Variants in STPG2 observed in about 807,000 individuals in gnomAD.
STPG2 encodes sperm-tail PG-rich repeat-containing protein 2.
Under a neutral mutation model 54.2 loss-of-function variants are expected in STPG2, and 56 were observed. The observed-to-expected ratio is 1.03, with a 90% CI of 0.83 to 1.29. The LOEUF (loss-of-function observed/expected upper bound fraction) is 1.29. Among genes scored for constraint, STPG2 ranks in the 50% most tolerant of loss-of-function variants. The pLI is 0.00. For missense variants in STPG2, 596 were observed against 544.9 expected, an observed-to-expected ratio of 1.09 and a Z score of -0.93; for synonymous variants, 200 against 181.8, an observed-to-expected ratio of 1.10 and a Z score of -0.81.
At chr4:98,129,654 A>G (rs999175527) in intron 2 of STPG2, among the ~76,000 whole-genome samples, 1 of 152,168 alleles carries the variant, frequency 6.6e-6, no homozygotes, top group African/African-American at 2.4e-5. Flanking sequence ...AAAAACATGA[A>G]GGTGTAATAT....
At chr4:98,001,565 T>C (rs1472586645) in intron 5 of STPG2, among the ~76,000 whole-genome samples, 2 of 152,012 alleles carry the variant, frequency 1.3e-5, no homozygotes, top group South Asian at 2.1e-4. Context: ...AATGAAATAA[T>C]GTTAAGGGTT....
chr4:97,888,269 C>G (rs1459856566), intron 8 of STPG2, among the ~76,000 whole-genome samples: 1 of 152,216 alleles, frequency 6.6e-6, no homozygotes, highest in Admixed American at 6.5e-5. Context: ...GGTAGATCCA[C>G]CGACAGCTTG....
At chr4:97,983,073 G>A (rs1370488319) in intron 5 of STPG2, among the ~76,000 whole-genome samples, 1 of 152,040 alleles carries the variant, frequency 6.6e-6, no homozygotes, top group African/African-American at 2.4e-5. Flanking sequence ...TGAACAATGT[G>A]GTTCCACTTA....
intron 9 of STPG2, among the ~76,000 whole-genome samples, chr4:97,772,790 T>A (rs1364007316): frequency 6.6e-6 from 1 of 152,092 alleles, no homozygotes; most frequent in African/African-American, 2.4e-5. Flanking sequence ...CAAAAGTAAA[T>A]TAATCTATTT....
intron 9 of STPG2, among the ~76,000 whole-genome samples, chr4:97,746,337 T>C (rs575513582): frequency 2.0e-5 from 3 of 151,414 alleles, no homozygotes; most frequent in Non-Finnish European, 4.5e-5. Flanking sequence ...CCATGAATTT[T>C]AAAGCTAAAA....
chr4:97,562,882 A>C (rs1578390268), intron 10 of STPG2, among the ~76,000 whole-genome samples: 1 of 152,254 alleles, frequency 6.6e-6, no homozygotes, highest in South Asian at 2.1e-4. Context: ...ATGTTCATCA[A>C]GGATATTGGT....
chr4:97,461,564 T>C (rs756407210), intron 4 of STPG2, among the ~76,000 whole-genome samples: 2 of 152,154 alleles, frequency 1.3e-5, no homozygotes, highest in Non-Finnish European at 2.9e-5. Context: ...AACCCAACCA[T>C]GCTCGCATGG....
chr4:97,619,538 T>TC (rs879451207), intron 10 of STPG2, among the ~76,000 whole-genome samples: 2 of 149,836 alleles, frequency 1.3e-5, no homozygotes, highest in Non-Finnish European at 2.9e-5. Flanking sequence ...TTTTTTTTTT[T>TC]CTCACCTCTG....
At chr4:97,598,566 A>AAG in intron 10 of STPG2, among the ~76,000 whole-genome samples, 1 of 151,996 alleles carries the variant, frequency 6.6e-6, no homozygotes, top group East Asian at 1.9e-4. Flanking sequence ...AAAAAAAAAA[A>AAG]AAACAGACAT....
At chr4:98,021,761 C>T (rs1225296421) in intron 5 of STPG2, among the ~76,000 whole-genome samples, 1 of 151,830 alleles carries the variant, frequency 6.6e-6, no homozygotes, top group Non-Finnish European at 1.5e-5. Context: ...GATCCCTTTA[C>T]CATTATGTAA....
At chr4:98,012,603 G>C (rs892896591) in intron 5 of STPG2, among the ~76,000 whole-genome samples, 2 of 152,114 alleles carry the variant, frequency 1.3e-5, no homozygotes, top group South Asian at 2.1e-4. Context: ...TTTTCCATTT[G>C]TTTGTGTCCT....
chr4:97,859,012 C>A (rs1402293973), intron 8 of STPG2, among the ~76,000 whole-genome samples: 1 of 152,206 alleles, frequency 6.6e-6, no homozygotes, highest in Non-Finnish European at 1.5e-5. Context: ...ACATTCCCAA[C>A]AGCAGTGTAA....
At chr4:98,113,685 A>ATTTTTTT (rs1739424703) in intron 3 of STPG2, among the ~76,000 whole-genome samples, 1 of 151,662 alleles carries the variant, frequency 6.6e-6, no homozygotes, top group African/African-American at 2.4e-5. Context: ...TCTTAATAGC[A>ATTTTTTT]TTATTATTAT....
chr4:97,873,498 A>G (rs1295135206), intron 8 of STPG2, among the ~76,000 whole-genome samples: 1 of 151,608 alleles, frequency 6.6e-6, no homozygotes, highest in Non-Finnish European at 1.5e-5. Context: ...TTACACTACA[A>G]TAACAAAAAG....
intron 4 of STPG2, among the ~76,000 whole-genome samples, chr4:97,465,389 G>A (rs1227050626): frequency 6.6e-6 from 1 of 152,066 alleles, no homozygotes; most frequent in Non-Finnish European, 1.5e-5. Context: ...TGACTTTCAA[G>A]CTCTTTATAT....
intron 10 of STPG2, among the ~76,000 whole-genome samples, chr4:97,697,816 G>A (rs1384542831): frequency 6.6e-6 from 1 of 152,206 alleles, no homozygotes; most frequent in Admixed American, 6.5e-5. Flanking sequence ...ACAAGCAATT[G>A]CATGAGTTAT....
intron 9 of STPG2, among the ~76,000 whole-genome samples, chr4:97,823,306 T>C (rs1013628435): frequency 6.6e-6 from 1 of 152,210 alleles, no homozygotes; most frequent in Non-Finnish European, 1.5e-5. Context: ...CTGGTGACTT[T>C]AGGTTGAAGT....
intron 4 of STPG2, among the ~76,000 whole-genome samples, chr4:97,462,739 G>A (rs1729695046): frequency 6.6e-6 from 1 of 151,820 alleles, no homozygotes; most frequent in African/African-American, 2.4e-5. Flanking sequence ...TTCACTGACT[G>A]TGCTAAACTC....
At position 98,131,649 on chromosome 4, in the gene STPG2, G is replaced by T. The variant is rs574197561; in HGVS notation, c.222+2698C>A. Among the ~76,000 whole-genome samples, 7 of 152,134 alleles carry T rather than the reference G, an allele frequency of 4.6e-5. No homozygotes were observed. The South Asian group carries it at 8.3e-4, about 18-fold the overall frequency. On this transcript the variant is annotated intron_variant, in intron 2 of 10. Coordinates refer to ENST00000295268, the MANE Select transcript of STPG2 (RefSeq NM_174952.3). ...CTCTAAACAAACAGTGACCAAATCT[G>T]CTCAATAATAGCATTTATTTCAAAG... is the stretch of plus-strand genomic sequence containing the variant.
Sources: gnomAD v4.1 joint callset for allele counts (sites outside exome capture counted in the v4.1 genomes callset) on GRCh38, gnomAD v4.1.1 for gene constraint, MANE v1.5 for transcripts, NCBI Gene and HGNC (gene_info 2026-07-23, HGNC 2026-07-21) for gene names.